SLC22A15: variants seen among roughly 807,000 people sequenced by gnomAD.
SLC22A15 encodes the protein solute carrier family 22 member 15.
Under a neutral mutation model 62.7 loss-of-function variants are expected in SLC22A15, and 45 were observed. The ratio of observed to expected loss-of-function variants is 0.72; its 90% CI spans 0.56 to 0.92. The LOEUF (loss-of-function observed/expected upper bound fraction) is 0.92, where lower values mean the gene tolerates loss of function less well. Among genes scored for constraint, SLC22A15 ranks in the 40% least tolerant of loss-of-function variants. The probability of loss-of-function intolerance (pLI) is 0.00; values close to 1 mark genes in which losing one functional copy is unlikely to be tolerated. For synonymous variants in SLC22A15, 264 were observed against 267.0 expected (o/e 0.99, Z 0.11); for missense variants, 622 against 665.6 (o/e 0.93, Z 0.72).
At chr1:115,978,387 C>T (rs910404641) in intron 1 of SLC22A15, among the ~76,000 whole-genome samples, 1 of 152,176 alleles carries the variant, frequency 6.6e-6, no homozygotes, top group Non-Finnish European at 1.5e-5. Context: ...TTAGAGTTTG[C>T]TATCAAAAAG....
intron 8 of SLC22A15, among the ~76,000 whole-genome samples, chr1:116,049,544 G>A (rs539065183): frequency 2.6e-5 from 4 of 152,174 alleles, no homozygotes; most frequent in East Asian, 3.9e-4. Context: ...AAAATTCTTC[G>A]AACTGAATGA....
At chr1:116,045,567 C>T (rs992066895) in intron 8 of SLC22A15, among the ~76,000 whole-genome samples, 9 of 150,700 alleles carry the variant, frequency 6.0e-5, no homozygotes, top group Admixed American at 1.3e-4. Context: ...GGTGAAACCC[C>T]GTCTCTACTA....
At chr1:115,981,964 A>C (rs1410437813) in intron 1 of SLC22A15, among the ~76,000 whole-genome samples, 3 of 152,256 alleles carry the variant, frequency 2.0e-5, no homozygotes. Context: ...TATTAGGCAA[A>C]TGACCCATCA....
intron 8 of SLC22A15, among the ~76,000 whole-genome samples, chr1:116,062,535 A>G (rs1351238426): frequency 2.0e-5 from 3 of 152,224 alleles, no homozygotes; most frequent in Non-Finnish European, 4.4e-5. Flanking sequence ...AGTTTATCAC[A>G]CTTAATGACA....
chr1:116,035,228 C>G lies in SLC22A15; in HGVS notation c.986C>G (p.Ala329Gly). 2.5e-6 allele frequency: 4 copies of G among 1,613,176 alleles called. No individual in the cohort carries two copies. Among genetic ancestry groups the G allele is most frequent in the Non-Finnish European group, 3.4e-6 (4 of 1,179,464 alleles). Residue 329 changes from alanine (A) to glycine (G), a missense_variant, in exon 7 of 12, where the codon GCG becomes GGG. Transcript: ENST00000369503. ...GTGTATTATGGCCTAACTCTGAGTG[C>G]GGGTGATCTAGGTGGAAGTATTTAT... The part of the protein sequence containing the change: ...SLVYYGLTLS[A>G]GDLGGSIYAN...
At chr1:115,977,978 T>C (rs1454702688) in intron 1 of SLC22A15, among the ~76,000 whole-genome samples, 1 of 152,236 alleles carries the variant, frequency 6.6e-6, no homozygotes, top group African/African-American at 2.4e-5. Flanking sequence ...TGTGGTATTC[T>C]GAAGTTCTTT....
intron 8 of SLC22A15, among the ~76,000 whole-genome samples, chr1:116,060,484 T>C (rs1016774346): frequency 2.5e-4 from 38 of 152,196 alleles, no homozygotes; most frequent in African/African-American, 9.2e-4. Flanking sequence ...GACACACCCT[T>C]GGAATCCAGA....
intron 4 of SLC22A15, among the ~76,000 whole-genome samples, chr1:116,021,866 C>T (rs1341110638): frequency 1.3e-5 from 2 of 152,192 alleles, no homozygotes; most frequent in East Asian, 3.8e-4. Flanking sequence ...CAACCTGGGT[C>T]TTGATGACAC....
At chr1:116,062,968 A>T in intron 9 of SLC22A15, 86 bp downstream of exon 9, 1 of 1,528,098 alleles carries the variant, frequency 6.5e-7, no homozygotes, top group Non-Finnish European at 8.9e-7. Flanking sequence ...TACTCATTTC[A>T]TCTGCTTCTG....
intron 6 of SLC22A15, among the ~76,000 whole-genome samples, chr1:116,034,872 T>C (rs1168204760): frequency 6.6e-6 from 1 of 152,248 alleles, no homozygotes; most frequent in Non-Finnish European, 1.5e-5. Flanking sequence ...GTCATTGTGT[T>C]CTATTAATTG....
chr1:115,985,854 G>C (rs1654832641), intron 1 of SLC22A15, among the ~76,000 whole-genome samples: 1 of 148,496 alleles, frequency 6.7e-6, no homozygotes, highest in African/African-American at 2.5e-5. Flanking sequence ...GGCTGAGGCA[G>C]AGAATTGCTT....
At chr1:116,026,759 TC>T in intron 4 of SLC22A15, 133 bp from the exon 5 acceptor site, 1 of 985,742 alleles carries the variant, frequency 1.0e-6, no homozygotes, top group Non-Finnish European at 1.5e-6. Context: ...TTTTTTCTTT[TC>T]TGGTGTGCCT....
Position 115,976,692 on chromosome 1 carries a change from T to A in SLC22A15, c.65T>A (p.Phe22Tyr). 1 of 1,585,212 alleles carries A rather than the reference T, an allele frequency of 6.3e-7. No individual in the cohort carries two copies. ...EMGIYQMYLC[F>Y]LLAVLLQLYV... ...GGCATCTACCAGATGTACTTGTGCT[T>A]CCTGCTGGCCGTGCTGCTGCAGGTA... Residue 22 changes from phenylalanine (F) to tyrosine (Y), a missense_variant, in exon 1 of 12, where the codon TTC becomes TAC. Physicochemically the swap from Phe to Tyr is conservative, Grantham distance 22. Transcript: ENST00000369503.
chr1:115,980,132 C>T (rs192198047), intron 1 of SLC22A15, among the ~76,000 whole-genome samples: 2 of 152,010 alleles, frequency 1.3e-5, no homozygotes, highest in African/African-American at 2.4e-5. Context: ...AGTCAACACA[C>T]GAAAAGATGT....
intron 10 of SLC22A15, 105 bp from the exon 11 acceptor site, chr1:116,066,415 A>T (rs2101581143): frequency 2.0e-6 from 2 of 1,006,722 alleles, no homozygotes; most frequent in Middle Eastern, 2.1e-4. Flanking sequence ...GAGGTCATGA[A>T]CTAGGTGGTA....
At chr1:116,015,555 T>C (rs893021553) in intron 2 of SLC22A15, among the ~76,000 whole-genome samples, 2 of 152,144 alleles carry the variant, frequency 1.3e-5, no homozygotes, top group Non-Finnish European at 2.9e-5. Flanking sequence ...AACAGAATAG[T>C]TGATTATGGA....
At chr1:116,041,185 C>T (rs561513360) in intron 8 of SLC22A15, among the ~76,000 whole-genome samples, 5 of 152,214 alleles carry the variant, frequency 3.3e-5, no homozygotes, top group African/African-American at 1.2e-4. Context: ...CCTAGTGGAA[C>T]CTTCATATCT....
At chr1:116,009,338 G>T (rs1306622856) in intron 2 of SLC22A15, among the ~76,000 whole-genome samples, 1 of 142,102 alleles carries the variant, frequency 7.0e-6, no homozygotes, top group Non-Finnish European at 1.5e-5. Context: ...GTTAGTTCAC[G>T]CACTGTACTT....
At chr1:115,995,551 C>A (rs955640915) in intron 2 of SLC22A15, among the ~76,000 whole-genome samples, 14 of 152,094 alleles carry the variant, frequency 9.2e-5, no homozygotes, top group African/African-American at 2.9e-4. Context: ...GTGCCCAGCC[C>A]AAAATGGTTA....
Sources: allele counts gnomAD v4.1 joint callset (sites outside exome capture counted in the v4.1 genomes callset), GRCh38; gene constraint gnomAD v4.1.1; transcripts MANE v1.5; gene names NCBI Gene and HGNC (gene_info 2026-07-23, HGNC 2026-07-21).